LMO7: variants seen among roughly 807,000 people sequenced by gnomAD.
LMO7 encodes LIM domain 7.
A neutral mutation model predicts 206.5 loss-of-function variants in LMO7; 120 were observed. That is an observed-to-expected ratio of 0.58 (90% confidence interval 0.50 to 0.68). LMO7 has a LOEUF of 0.68. LMO7 is among the 30% of genes least tolerant of loss of function. The probability of loss-of-function intolerance (pLI) is 0.00; values close to 1 mark genes in which losing one functional copy is unlikely to be tolerated. For missense variants in LMO7, 1,959 were observed against 1,957.9 expected, an observed-to-expected ratio of 1.00 and a Z score of -0.01; for synonymous variants, 706 against 681.5, an observed-to-expected ratio of 1.04 and a Z score of -0.56.
chr13:75,835,258 T>A lies in LMO7; in HGVS notation c.3252T>A (p.Asp1084Glu). The part of the protein sequence containing the change: ...KAGSPETKWI[D>E]ATSGIYNSEK... ...GTTCACCTGAAACAAAGTGGATTGA[T>A]GCAACTTCTGGAATTTACAACTCAG... Residue 1084 changes from aspartate (D) to glutamate (E), a missense_variant, in exon 18 of 31, where the codon GAT becomes GAA. Physicochemically the swap from Asp to Glu is conservative, Grantham distance 45 (BLOSUM62 2). Coordinates refer to ENST00000377534, the MANE Select transcript of LMO7 (RefSeq NM_001306080.2). The A allele has an allele frequency of 6.2e-7, 1 of 1,612,218 alleles. No homozygotes were observed. The highest frequency in any genetic ancestry group is 1.3e-5 in the African/African-American group (1 of 74,934).
chr13:75,727,699 T>C (rs1488700691), intron 3 of LMO7, among the ~76,000 whole-genome samples: 1 of 152,062 alleles, frequency 6.6e-6, no homozygotes, highest in African/African-American at 2.4e-5. Context: ...TATGTATACA[T>C]GTGCCATGCT....
chr13:75,691,881 G>C (rs987485242), intron 1 of LMO7, among the ~76,000 whole-genome samples: 1 of 151,972 alleles, frequency 6.6e-6, no homozygotes, highest in Non-Finnish European at 1.5e-5. Context: ...CATCCTGCTG[G>C]GTGAACACAG....
At chr13:75,634,341 G>A (rs998187836), upstream of LMO7, among the ~76,000 whole-genome samples, 1 of 152,074 alleles carries the variant, frequency 6.6e-6, no homozygotes, top group Non-Finnish European at 1.5e-5. Flanking sequence ...GGGAGTCTGA[G>A]GCAAGAGGAT....
At chr13:75,667,381 C>T (rs916020119) in intron 1 of LMO7, among the ~76,000 whole-genome samples, 1 of 151,972 alleles carries the variant, frequency 6.6e-6, no homozygotes, top group Admixed American at 6.6e-5. Flanking sequence ...TCTGGGTCAC[C>T]AATTGTTATC....
In LMO7 at chr13:75,716,261, A is replaced by T. The variant is rs562099330; in HGVS notation, c.140+3009A>T. Among the ~76,000 whole-genome samples the T allele has an allele frequency of 1.5e-3, 227 of 152,336 alleles. 2 individuals carry two copies. The highest frequency in any genetic ancestry group is 1.9e-3 in the South Asian group (9 of 4,834). On this transcript the variant is annotated intron_variant, in intron 2 of 30. Coordinates refer to ENST00000377534, the MANE Select transcript of LMO7 (RefSeq NM_001306080.2). ...TCGAATAGCTTATAGCTTTCACCCA[A>T]TTGGAAGTGTACTGACATTTCAGAT...
At chr13:75,626,587 A>C (rs879434220) in intron 2 of LMO7, among the ~76,000 whole-genome samples, 1 of 96,518 alleles carries the variant, frequency 1.0e-5, no homozygotes, top group Non-Finnish European at 2.4e-5. Context: ...TTATATATAT[A>C]TATATAAATT....
chr13:75,822,112 A>G (rs532948006), intron 14 of LMO7, among the ~76,000 whole-genome samples: 2 of 152,306 alleles, frequency 1.3e-5, no homozygotes, highest in African/African-American at 2.4e-5. Flanking sequence ...TACTAGTGTC[A>G]GGATTTTGAA....
chr13:75,708,923 A>G (rs1194345774), intron 1 of LMO7, among the ~76,000 whole-genome samples: 4 of 152,052 alleles, frequency 2.6e-5, no homozygotes, highest in Admixed American at 2.6e-4. Context: ...CATTAGGTAT[A>G]TCTCCTAATG....
chr13:75,744,214 C>T (rs1197640371), intron 3 of LMO7, among the ~76,000 whole-genome samples: 1 of 152,176 alleles, frequency 6.6e-6, no homozygotes, highest in East Asian at 1.9e-4. Flanking sequence ...GAAAACTTAA[C>T]AATTTGGGGT....
chr13:75,684,100 C>T (rs991896586), intron 1 of LMO7, among the ~76,000 whole-genome samples: 2 of 152,092 alleles, frequency 1.3e-5, no homozygotes, highest in African/African-American at 4.8e-5. Flanking sequence ...ATCCTGAACT[C>T]GTTTTTCAGG....
At chr13:75,734,757 A>T (rs910306615) in intron 3 of LMO7, among the ~76,000 whole-genome samples, 5 of 152,206 alleles carry the variant, frequency 3.3e-5, no homozygotes, top group Admixed American at 6.5e-5. Flanking sequence ...AGTTGCCTCC[A>T]TTCTATATCT....
At chr13:75,693,018 A>G (rs1198516534) in intron 1 of LMO7, among the ~76,000 whole-genome samples, 2 of 152,206 alleles carry the variant, frequency 1.3e-5, no homozygotes, top group African/African-American at 4.8e-5. Context: ...TTAAGACTAT[A>G]TTACAGAAGC....
chr13:75,734,807 C>A (rs562486277), intron 3 of LMO7, among the ~76,000 whole-genome samples: 2 of 152,282 alleles, frequency 1.3e-5, no homozygotes, highest in African/African-American at 4.8e-5. Context: ...TTAGTGGTTT[C>A]AAATTATATA....
rs970114448 is a variant in LMO7, at chr13:75,839,924, T to C, written c.3452-161T>C. ...GAGTAACAGATGGAACTGTTACACC[T>C]GGAGAAAAAAGGATTTACTGACTAT... On this transcript the variant is annotated intron_variant, in intron 20 of 30. Coordinates refer to ENST00000377534, the MANE Select transcript of LMO7 (RefSeq NM_001306080.2). 3.2e-5 allele frequency: 20 copies of C among 616,134 alleles called. No homozygotes were observed. The South Asian group carries it at 4.7e-4, about 14-fold the overall frequency. 38.2% of individuals were successfully genotyped at this position (616,134 alleles called of 1,614,324 possible). A position where few individuals can be genotyped will look rare whatever the true frequency, so the allele number is the denominator to read the frequency against.
rs1288023572 is a variant in LMO7, at chr13:75,796,738, G to A, written c.451G>A (p.Ala151Thr). ...AGCGTTTGAGAATCTTTTAGGACAA[G>A]CACTGACGAAGGTAAGTAAACTACA... ...LKAFENLLGQ[A>T]LTKALEDSSF... The change falls in exon 6 of 31, where the codon GCA (alanine) becomes ACA (threonine). Residue 151 changes from alanine (A) to threonine (T), a missense_variant. Physicochemically the swap from Ala to Thr is moderately conservative, Grantham distance 58. Coordinates refer to ENST00000377534, the MANE Select transcript of LMO7 (RefSeq NM_001306080.2). 3 of 1,599,538 alleles carry A rather than the reference G, an allele frequency of 1.9e-6. No homozygotes were observed. The highest frequency in any genetic ancestry group is 1.7e-5 in the Admixed American group (1 of 59,986).
intron 27 of LMO7, among the ~76,000 whole-genome samples, chr13:75,850,136 A>G (rs2139568472): frequency 6.6e-6 from 1 of 152,314 alleles, no homozygotes; most frequent in East Asian, 1.9e-4. Context: ...GAAAAAAGAC[A>G]AAGGGATATG....
chr13:75,702,861 A>T (rs539663762), intron 1 of LMO7, among the ~76,000 whole-genome samples: 1 of 152,368 alleles, frequency 6.6e-6, no homozygotes, highest in African/African-American at 2.4e-5. Flanking sequence ...ATTAAGACAG[A>T]TTATTTAAAT....
At chr13:75,738,981 C>T (rs528076504) in intron 3 of LMO7, among the ~76,000 whole-genome samples, 8 of 152,254 alleles carry the variant, frequency 5.3e-5, no homozygotes, top group African/African-American at 1.4e-4. Context: ...GGAGGTCTGT[C>T]GTGTGCATTG....
chr13:75,650,785 A>G (rs990458140), intron 1 of LMO7, among the ~76,000 whole-genome samples: 13 of 152,050 alleles, frequency 8.5e-5, no homozygotes, highest in African/African-American at 3.1e-4. Flanking sequence ...ATTGTTCTTT[A>G]TGTACTTTTC....
Sources: gnomAD v4.1 joint callset for allele counts (sites outside exome capture counted in the v4.1 genomes callset) on GRCh38, gnomAD v4.1.1 for gene constraint, MANE v1.5 for transcripts, NCBI Gene and HGNC (gene_info 2026-07-23, HGNC 2026-07-21) for gene names.